UBXN2B: variants seen among roughly 807,000 people sequenced by gnomAD.
UBXN2B encodes UBX domain-containing protein 2B.
UBXN2B carries 19 observed loss-of-function variants against 37.5 expected under a neutral mutation model. The ratio of observed to expected loss-of-function variants is 0.51; its 90% CI spans 0.35 to 0.74. The LOEUF (loss-of-function observed/expected upper bound fraction) is 0.74, where lower values mean the gene tolerates loss of function less well. Among genes scored for constraint, UBXN2B ranks in the 30% least tolerant of loss-of-function variants. The pLI is 0.01. For missense variants in UBXN2B, 370 were observed against 393.2 expected, an observed-to-expected ratio of 0.94 and a Z score of 0.50; for synonymous variants, 145 against 143.8, an observed-to-expected ratio of 1.01 and a Z score of -0.06.
At chr8:58,423,972 C>T (rs1386057872) in intron 2 of UBXN2B, among the ~76,000 whole-genome samples, 1 of 151,882 alleles carries the variant, frequency 6.6e-6, no homozygotes, top group Non-Finnish European at 1.5e-5. Flanking sequence ...TCATAAATAT[C>T]CATGATTCCT....
chr8:58,416,632 A>G (rs890619718), intron 1 of UBXN2B, among the ~76,000 whole-genome samples: 41 of 152,230 alleles, frequency 2.7e-4, no homozygotes, highest in African/African-American at 9.6e-4. Context: ...AGTAATTATT[A>G]TAACTTAAAG....
At chr8:58,428,638 A>C (rs1808167934) in intron 2 of UBXN2B, among the ~76,000 whole-genome samples, 1 of 152,190 alleles carries the variant, frequency 6.6e-6, no homozygotes, top group Admixed American at 6.5e-5. Context: ...ACTTATATTT[A>C]ATAAGTTAGT....
intron 2 of UBXN2B, among the ~76,000 whole-genome samples, chr8:58,422,642 A>T (rs1807958413): frequency 6.6e-6 from 1 of 152,232 alleles, no homozygotes; most frequent in Non-Finnish European, 1.5e-5. Context: ...TGGCCTGACT[A>T]AAAACCAGTG....
At chr8:58,431,283 G>A (rs1418821962) in intron 3 of UBXN2B, among the ~76,000 whole-genome samples, 1 of 152,200 alleles carries the variant, frequency 6.6e-6, no homozygotes, top group East Asian at 1.9e-4. Context: ...GACCAGCCTG[G>A]CCAACATGGT....
chr8:58,445,046 C>G (rs1249148745), intron 6 of UBXN2B, among the ~76,000 whole-genome samples: 1 of 152,068 alleles, frequency 6.6e-6, no homozygotes, highest in Non-Finnish European at 1.5e-5. Flanking sequence ...TCTCAGAGTT[C>G]AAGAGAAAAA....
intron 2 of UBXN2B, chr8:58,426,273 C>T (rs1808084368): frequency 2.0e-6 from 1 of 490,040 alleles, no homozygotes; most frequent in African/African-American, 2.2e-5. Context: ...GTGGCATGAT[C>T]TCGGCTCACT....
At position 58,451,336 on chromosome 8, in the gene UBXN2B, A is replaced by C. The variant is rs1397910366; in HGVS notation, c.*3785A>C. 1 of 152,186 alleles carries C rather than the reference A, an allele frequency of 6.6e-6. No homozygotes were observed. The highest frequency in any genetic ancestry group is 1.5e-5 in the Non-Finnish European group (1 of 68,030). The allele number at this position is 152,186 out of a possible 1,614,324, so 9.4% of individuals were successfully genotyped here. On this transcript the variant is annotated 3_prime_UTR_variant, in exon 8 of 8. Transcript: ENST00000399598. ...TTTTGCTTCATTGAGAGTCATTTTCATGAATTATTTTTACTACTGCAGTCA... is the reference window on the plus strand; with the variant it reads ...TTTTGCTTCATTGAGAGTCATTTTCCTGAATTATTTTTACTACTGCAGTCA...
chr8:58,422,742 A>T (rs758544376), intron 2 of UBXN2B, among the ~76,000 whole-genome samples: 1 of 152,166 alleles, frequency 6.6e-6, no homozygotes, highest in African/African-American at 2.4e-5. Flanking sequence ...AAACACATCC[A>T]TCCTCACAAG....
At chr8:58,439,565 G>A (rs891854636) in intron 5 of UBXN2B, 68 bp from the exon 6 acceptor site, 1 of 1,503,830 alleles carries the variant, frequency 6.6e-7, no homozygotes, top group African/African-American at 1.4e-5. Context: ...AATAATTACA[G>A]TAATCTCAAC....
rs1398700613 is a variant in UBXN2B at position 58,448,817 on chromosome 8, A to G, written c.*1266A>G. 1 of 152,536 alleles carries G rather than the reference A, an allele frequency of 6.6e-6. No homozygotes were observed. The highest frequency in any genetic ancestry group is 1.5e-5 in the Non-Finnish European group (1 of 68,032). The allele number at this position is 152,536 out of a possible 1,614,324, so 9.4% of individuals were successfully genotyped here. ...AATTATTACTTCTGGTTAGTTTTCC[A>G]TTGCCACCATAACAAGTTACAAAAT... On this transcript the variant is annotated 3_prime_UTR_variant, in exon 8 of 8. Coordinates refer to ENST00000399598, the MANE Select transcript of UBXN2B (RefSeq NM_001077619.2).
intron 5 of UBXN2B, among the ~76,000 whole-genome samples, chr8:58,438,562 G>A (rs527683628): frequency 1.3e-5 from 2 of 152,206 alleles, no homozygotes; most frequent in African/African-American, 4.8e-5. Flanking sequence ...TGTGGGGCCT[G>A]TTGCCTCTTT....
chr8:58,437,390 C>T (rs561855013), intron 5 of UBXN2B, among the ~76,000 whole-genome samples: 78 of 135,982 alleles, frequency 5.7e-4, no homozygotes, highest in Non-Finnish European at 1.1e-3. Flanking sequence ...TGCAGTGGCG[C>T]GATCTAGGCT....
intron 1 of UBXN2B, among the ~76,000 whole-genome samples, chr8:58,415,598 G>T (rs974964689): frequency 6.6e-6 from 1 of 152,052 alleles, no homozygotes; most frequent in Non-Finnish European, 1.5e-5. Context: ...ATCTTCTAGT[G>T]ATGGAACACA....
At chr8:58,444,386 AG>A (rs1808620907) in intron 6 of UBXN2B, among the ~76,000 whole-genome samples, 1 of 152,234 alleles carries the variant, frequency 6.6e-6, no homozygotes, top group Non-Finnish European at 1.5e-5. Flanking sequence ...AGGCACAATA[AG>A]GGTAAGTGAC....
chr8:58,435,011 A>T, intron 5 of UBXN2B: 1 of 1,514,136 alleles, frequency 6.6e-7, no homozygotes, highest in South Asian at 1.2e-5. Flanking sequence ...ACCCATCCAA[A>T]GAACATTGTA....
chr8:58,425,696 G>A, intron 2 of UBXN2B: 1 of 1,161,470 alleles, frequency 8.6e-7, no homozygotes, highest in Non-Finnish European at 1.3e-6. Context: ...TGCTATTTCA[G>A]CAACATTTAT....
At chr8:58,422,647 C>T (rs1807958544) in intron 2 of UBXN2B, among the ~76,000 whole-genome samples, 1 of 152,210 alleles carries the variant, frequency 6.6e-6, no homozygotes, top group African/African-American at 2.4e-5. Flanking sequence ...TGACTAAAAA[C>T]CAGTGGCATT....
intron 2 of UBXN2B, among the ~76,000 whole-genome samples, chr8:58,418,241 CA>C (rs56073006): frequency 0.21 from 22,143 of 106,272 alleles, 765 homozygotes; most frequent in South Asian, 0.28. Flanking sequence ...ACTCTGTCTC[CA>C]AAAAAAAAAA....
At chr8:58,435,051 G>A in intron 5 of UBXN2B, 2 of 1,441,770 alleles carry the variant, frequency 1.4e-6, no homozygotes, top group Non-Finnish European at 1.8e-6. Context: ...TAAAGGATGA[G>A]GAATCAAGTG....
Sources: allele counts gnomAD v4.1 joint callset (sites outside exome capture counted in the v4.1 genomes callset), GRCh38; gene constraint gnomAD v4.1.1; transcripts MANE v1.5; gene names NCBI Gene and HGNC (gene_info 2026-07-23, HGNC 2026-07-21).